The following BNC2 variants were observed in gnomAD, a reference collection of about 807,000 sequenced individuals.
The protein encoded by BNC2 is basonuclin zinc finger protein 2.
In BNC2, 20 loss-of-function variants were observed where a neutral mutation model predicts 76.3. That is an observed-to-expected ratio of 0.26 (90% CI 0.18 to 0.38). The LOEUF (loss-of-function observed/expected upper bound fraction) is 0.38, where lower values mean the gene tolerates loss of function less well. Among genes scored for constraint, BNC2 ranks in the 10% least tolerant of loss-of-function variants. The pLI, the probability that BNC2 is intolerant of heterozygous loss-of-function variation, is 1.00. For synonymous variants in BNC2, 582 were observed against 514.8 expected (o/e 1.13, Z -1.77); for missense variants, 1,382 against 1,399.8 (o/e 0.99, Z 0.20).
chr9:16,568,767 G>C (rs941945189), intron 4 of BNC2, among the ~76,000 whole-genome samples: 1 of 152,150 alleles, frequency 6.6e-6, no homozygotes, highest in Non-Finnish European at 1.5e-5. Flanking sequence ...AAACTTTTTA[G>C]TGAATCAGGA....
chr9:16,523,859 G>C (rs928451577), intron 5 of BNC2, among the ~76,000 whole-genome samples: 5 of 152,134 alleles, frequency 3.3e-5, no homozygotes, highest in Admixed American at 3.3e-4. Context: ...CCAGGAGGCA[G>C]AGATTGCAGT....
Position 16,436,763 on chromosome 9 carries a change from G to A in BNC2, c.1431C>T (p.Asn477=). The change falls in exon 6 of 7, where the codon AAC becomes AAT. Residue 477 remains asparagine (N), a synonymous_variant. Coordinates refer to ENST00000380672, the MANE Select transcript of BNC2 (RefSeq NM_017637.6). ...GACTTCGGAGGGAGCTAAAGACCAT[G>A]TTGCAACCTTCAATGGTGCATCGAT... The part of the protein sequence containing the change: ...IKHRCTIEGC[N]MVFSSLRSRN... The A allele has an allele frequency of 6.2e-7, 1 of 1,614,192 alleles. No individual in the cohort carries two copies. The highest frequency in any genetic ancestry group is 8.5e-7 in the Non-Finnish European group (1 of 1,180,048).
chr9:16,780,392 G>T (rs1045721320), intron 1 of BNC2, among the ~76,000 whole-genome samples: 3 of 151,334 alleles, frequency 2.0e-5, no homozygotes, highest in Non-Finnish European at 2.9e-5. Flanking sequence ...GCCAACATGG[G>T]GAAACCCCGT....
intron 3 of BNC2, chr9:16,727,083 G>T (rs963002676): frequency 6.6e-6 from 1 of 152,552 alleles, no homozygotes; most frequent in African/African-American, 2.4e-5. Context: ...GCGGCTCTGG[G>T]GAAGACGCCG....
intron 1 of BNC2, among the ~76,000 whole-genome samples, chr9:16,829,040 C>T (rs1364999784): frequency 6.6e-6 from 1 of 152,082 alleles, no homozygotes; most frequent in African/African-American, 2.4e-5. Flanking sequence ...AGCCAGGAGC[C>T]GGCACGAGGC....
chr9:16,526,750 A>T (rs1257534182), intron 5 of BNC2, among the ~76,000 whole-genome samples: 1 of 152,212 alleles, frequency 6.6e-6, no homozygotes, highest in Non-Finnish European at 1.5e-5. Context: ...CATAAAAAAT[A>T]AATTCTCATT....
At chr9:16,853,606 C>T (rs980394208) in intron 1 of BNC2, among the ~76,000 whole-genome samples, 2 of 152,098 alleles carry the variant, frequency 1.3e-5, no homozygotes, top group African/African-American at 4.8e-5. Context: ...GTGGCTCGCG[C>T]CTGCAATCCC....
At chr9:16,751,172 TA>T (rs111393012) in intron 1 of BNC2, among the ~76,000 whole-genome samples, 1 of 146,584 alleles carries the variant, frequency 6.8e-6, no homozygotes, top group Non-Finnish European at 1.5e-5. Flanking sequence ...CACTGAAGTC[TA>T]AAAAAAAACT....
intron 3 of BNC2, among the ~76,000 whole-genome samples, chr9:16,590,773 C>A (rs1178292417): frequency 6.6e-6 from 1 of 152,118 alleles, no homozygotes. Context: ...TACCACTGCA[C>A]TCCCAGCCTG....
chr9:16,559,817 A>G (rs1195549231), intron 4 of BNC2, among the ~76,000 whole-genome samples: 3 of 152,236 alleles, frequency 2.0e-5, no homozygotes, highest in Non-Finnish European at 4.4e-5. Context: ...ACCAGCACCT[A>G]TTAACTTATC....
At chr9:16,444,494 G>A (rs1452558747) in intron 5 of BNC2, among the ~76,000 whole-genome samples, 1 of 152,064 alleles carries the variant, frequency 6.6e-6, no homozygotes, top group Non-Finnish European at 1.5e-5. Context: ...GTATCAGAAT[G>A]TGACCCAGAA....
chr9:16,497,755 A>G (rs7858802), intron 5 of BNC2, among the ~76,000 whole-genome samples: 20,167 of 152,114 alleles, frequency 0.13, 4,064 homozygotes, highest in African/African-American at 0.44. Flanking sequence ...TGGGCTAAAA[A>G]CATCCACCAA....
At chr9:16,670,849 G>C (rs77211505) in intron 3 of BNC2, among the ~76,000 whole-genome samples, 2,144 of 152,188 alleles carry the variant, frequency 0.014, 18 homozygotes, top group Non-Finnish European at 0.024. Context: ...ACAATGTATG[G>C]GTTCCTTGGA....
chr9:16,604,503 A>G (rs2133342484), intron 3 of BNC2, among the ~76,000 whole-genome samples: 1 of 152,306 alleles, frequency 6.6e-6, no homozygotes, highest in Non-Finnish European at 1.5e-5. Flanking sequence ...ATACTTTAAA[A>G]TGGTTAAAAT....
At chr9:16,470,588 C>T (rs1330025761) in intron 5 of BNC2, among the ~76,000 whole-genome samples, 1 of 152,198 alleles carries the variant, frequency 6.6e-6, no homozygotes, top group Non-Finnish European at 1.5e-5. Flanking sequence ...AGCCTAGGAA[C>T]TTGGTGCCCT....
At chr9:16,620,357 G>A (rs966264089) in intron 3 of BNC2, among the ~76,000 whole-genome samples, 13 of 152,180 alleles carry the variant, frequency 8.5e-5, no homozygotes, top group Non-Finnish European at 1.5e-4. Flanking sequence ...GACTGACAAA[G>A]AGGCAACAGC....
intron 5 of BNC2, among the ~76,000 whole-genome samples, chr9:16,538,634 A>G (rs1818202214): frequency 6.6e-6 from 1 of 152,206 alleles, no homozygotes; most frequent in African/African-American, 2.4e-5. Flanking sequence ...ACCTTCTATA[A>G]TCTAATAAAT....
In BNC2 at chr9:16,772,958, G is replaced by A. The variant is rs568669262; in HGVS notation, c.4-34473C>T. Among the ~76,000 whole-genome samples, 5 of 152,300 alleles carry A rather than the reference G, an allele frequency of 3.3e-5. No individual in the cohort carries two copies. In the South Asian group the frequency reaches 1.0e-3, roughly 32 times the overall value. Reference sequence around the variant, plus strand: ...GAAAAACAGAGCTACTTTCATTACTGTGATGCTGTGTGTCAGAATGTCTCT... The same window carrying A: ...GAAAAACAGAGCTACTTTCATTACTATGATGCTGTGTGTCAGAATGTCTCT... On this transcript the variant is annotated intron_variant, in intron 1 of 6. Coordinates refer to ENST00000380672, the MANE Select transcript of BNC2 (RefSeq NM_017637.6).
intron 1 of BNC2, among the ~76,000 whole-genome samples, chr9:16,866,957 C>G (rs1819559440): frequency 6.6e-6 from 1 of 152,180 alleles, no homozygotes; most frequent in Non-Finnish European, 1.5e-5. Flanking sequence ...ATGAGACCAT[C>G]TGCTGAGTAA....
Sources: allele counts gnomAD v4.1 joint callset (sites outside exome capture counted in the v4.1 genomes callset), GRCh38; gene constraint gnomAD v4.1.1; transcripts MANE v1.5; gene names NCBI Gene and HGNC (gene_info 2026-07-23, HGNC 2026-07-21).